CBLB: variants seen among roughly 807,000 people sequenced by gnomAD.
CBLB encodes Cbl proto-oncogene B.
Under a neutral mutation model 104.9 loss-of-function variants are expected in CBLB, and 31 were observed. That is an observed-to-expected ratio of 0.30 (90% CI 0.22 to 0.40). The LOEUF is 0.40. Ranked by LOEUF, CBLB falls within the 10% of genes least tolerant of loss-of-function variation. The probability of loss-of-function intolerance (pLI) is 1.00; values close to 1 mark genes in which losing one functional copy is unlikely to be tolerated. For synonymous variants in CBLB, 440 were observed against 422.6 expected (o/e 1.04, Z -0.51); for missense variants, 1,062 against 1,214.6 (o/e 0.87, Z 1.87).
At chr3:105,761,767 G>A (rs1402148417) in intron 4 of CBLB, among the ~76,000 whole-genome samples, 1 of 152,232 alleles carries the variant, frequency 6.6e-6, no homozygotes, top group Non-Finnish European at 1.5e-5. Context: ...CCCAAAAACT[G>A]TGGAAGCAAC....
chr3:105,831,395 G>A (rs764035594), intron 3 of CBLB, among the ~76,000 whole-genome samples: 4 of 152,276 alleles, frequency 2.6e-5, no homozygotes, highest in African/African-American at 4.8e-5. Context: ...GGCTCAGACC[G>A]CCAGGCGGGC....
At chr3:105,718,048 C>G (rs955713720) in intron 10 of CBLB, among the ~76,000 whole-genome samples, 1 of 152,138 alleles carries the variant, frequency 6.6e-6, no homozygotes, top group Non-Finnish European at 1.5e-5. Flanking sequence ...TGTAGCAGAA[C>G]TGGTGCTTTA....
In CBLB at chr3:105,868,923, ATC is replaced by A; in HGVS notation, c.-204_-203del. 7.8e-6 allele frequency: 8 copies of A among 1,021,872 alleles called. No individual in the cohort carries two copies. Among genetic ancestry groups the A allele is most frequent in the Non-Finnish European group, 9.4e-6 (8 of 853,594 alleles). 63.3% of individuals were successfully genotyped at this position (1,021,872 alleles called of 1,614,324 possible). On this transcript the variant is annotated 5_prime_UTR_variant, in exon 1 of 19. Transcript: ENST00000394030. ...AACGCAACAATTACCGTCAAGACAAATCCACACCCGCTCTCCCCTCCCGCCCG... is the reference window on the plus strand; with the variant it reads ...AACGCAACAATTACCGTCAAGACAAACACACCCGCTCTCCCCTCCCGCCCG...
chr3:105,722,194 G>A (rs1225328380), intron 9 of CBLB, among the ~76,000 whole-genome samples: 10 of 49,390 alleles, frequency 2.0e-4, no homozygotes, highest in South Asian at 9.9e-4. Context: ...GTAAGACCCC[G>A]TGCCAAAAAA....
intron 7 of CBLB, among the ~76,000 whole-genome samples, chr3:105,738,895 GT>G: frequency 6.6e-6 from 1 of 152,164 alleles, no homozygotes; most frequent in East Asian, 1.9e-4. Context: ...TTATTGAAAG[GT>G]TTTGTGTGTG....
chr3:105,745,885 T>C (rs765123513), intron 6 of CBLB, 32 bp downstream of exon 6: 6 of 1,594,276 alleles, frequency 3.8e-6, no homozygotes, highest in Admixed American at 3.3e-5. Flanking sequence ...TCTTTGGATA[T>C]ATCACATAAT....
rs559115275 is a variant in CBLB, at chr3:105,744,790, C to T, written c.845+1127G>A. ...ACTAAAAATACAAAAAATAGCTGGG[C>T]GTGGTGGCACACACCTGTAATCCCA... On this transcript the variant is annotated intron_variant, in intron 6 of 18. Coordinates refer to ENST00000394030, the MANE Select transcript of CBLB (RefSeq NM_170662.5). Among the ~76,000 whole-genome samples, 6 of 152,040 alleles carry T rather than the reference C, an allele frequency of 3.9e-5. No individual in the cohort carries two copies. In the East Asian group the frequency reaches 5.8e-4, roughly 15 times the overall value.
At chr3:105,707,764 T>C (rs1220054339) in intron 10 of CBLB, among the ~76,000 whole-genome samples, 1 of 152,116 alleles carries the variant, frequency 6.6e-6, no homozygotes, top group Non-Finnish European at 1.5e-5. Flanking sequence ...AGTCCATAAT[T>C]AATTTATTGG....
intron 12 of CBLB, among the ~76,000 whole-genome samples, chr3:105,698,240 A>C (rs2068637855): frequency 6.6e-6 from 1 of 152,044 alleles, no homozygotes; most frequent in South Asian, 2.1e-4. Context: ...TATGAGCTAG[A>C]ATAATTTTTT....
At chr3:105,718,414 T>A (rs764182776) in intron 10 of CBLB, among the ~76,000 whole-genome samples, 1 of 152,190 alleles carries the variant, frequency 6.6e-6, no homozygotes, top group African/African-American at 2.4e-5. Flanking sequence ...CCTAAGGGAA[T>A]GTATTTGGTC....
chr3:105,748,847 G>C (rs2076349389), intron 5 of CBLB, among the ~76,000 whole-genome samples: 1 of 152,036 alleles, frequency 6.6e-6, no homozygotes, highest in Non-Finnish European at 1.5e-5. Context: ...TCTTCTGCTA[G>C]TTTCTCTACT....
intron 4 of CBLB, among the ~76,000 whole-genome samples, chr3:105,769,295 G>C (rs1000469151): frequency 1.3e-5 from 2 of 152,016 alleles, no homozygotes; most frequent in Non-Finnish European, 2.9e-5. Flanking sequence ...TCTAGCCTGG[G>C]CAACAAGAGC....
chr3:105,747,810 G>C (rs2076251173), intron 5 of CBLB, among the ~76,000 whole-genome samples: 1 of 150,636 alleles, frequency 6.6e-6, no homozygotes, highest in Non-Finnish European at 1.5e-5. Context: ...ATTAGTGGAA[G>C]AGTGTTTGAA....
At chr3:105,721,068 T>C (rs530284932) in intron 9 of CBLB, among the ~76,000 whole-genome samples, 5 of 152,216 alleles carry the variant, frequency 3.3e-5, no homozygotes, top group South Asian at 2.1e-4. Flanking sequence ...ACAGACAACA[T>C]TGCTTTCTAG....
rs746836779 is a variant in CBLB at position 105,720,261 on chromosome 3, A to G, written c.1204-11T>C. 2 of 1,604,708 alleles carry G rather than the reference A, an allele frequency of 1.2e-6. No individual in the cohort carries two copies. Among genetic ancestry groups the G allele is most frequent in the East Asian group, 4.5e-5 (2 of 44,798 alleles). ...CTGACCATCCGACTCCTAAACAAATAGAAAATGCATGGATTGGTTTTGTTC... is the reference window on the plus strand; with the variant it reads ...CTGACCATCCGACTCCTAAACAAATGGAAAATGCATGGATTGGTTTTGTTC... On this transcript the variant is annotated splice_polypyrimidine_tract_variant and intron_variant, in intron 9 of 18. Coordinates refer to ENST00000394030, the MANE Select transcript of CBLB (RefSeq NM_170662.5).
intron 3 of CBLB, among the ~76,000 whole-genome samples, chr3:105,779,624 C>T (rs1454751118): frequency 6.6e-6 from 1 of 151,190 alleles, no homozygotes; most frequent in Non-Finnish European, 1.5e-5. Flanking sequence ...ATAGAGGTTG[C>T]AATCGACACC....
intron 3 of CBLB, among the ~76,000 whole-genome samples, chr3:105,777,985 T>TCCCC (rs2079685238): frequency 6.6e-6 from 1 of 152,204 alleles, no homozygotes; most frequent in Non-Finnish European, 1.5e-5. Flanking sequence ...CAAACAAACT[T>TCCCC]TATTTCTTTA....
chr3:105,844,758 G>A (rs1045126015), intron 3 of CBLB, among the ~76,000 whole-genome samples: 1 of 152,100 alleles, frequency 6.6e-6, no homozygotes, highest in Non-Finnish European at 1.5e-5. Flanking sequence ...TAATCTGTTT[G>A]GATTCTTGGA....
At chr3:105,849,210 T>C (rs1450782930) in intron 3 of CBLB, among the ~76,000 whole-genome samples, 1 of 152,172 alleles carries the variant, frequency 6.6e-6, no homozygotes, top group Non-Finnish European at 1.5e-5. Context: ...CGAAAGTTTA[T>C]GTGCCTGTTA....
Sources: allele counts gnomAD v4.1 joint callset (sites outside exome capture counted in the v4.1 genomes callset), GRCh38; gene constraint gnomAD v4.1.1; transcripts MANE v1.5; gene names NCBI Gene and HGNC (gene_info 2026-07-23, HGNC 2026-07-21).